KATNAL2: variants seen among roughly 807,000 people sequenced by gnomAD.
KATNAL2 encodes katanin catalytic subunit A1 like 2.
In KATNAL2, 52 loss-of-function variants were observed where a neutral mutation model predicts 76.3. The observed-to-expected ratio is 0.68, with a 90% CI of 0.55 to 0.86. The LOEUF (loss-of-function observed/expected upper bound fraction) is 0.86. KATNAL2 is among the 40% of genes least tolerant of loss of function. KATNAL2 has a pLI of 0.00. For missense variants in KATNAL2, 660 were observed against 668.9 expected (o/e 0.99, Z 0.15); for synonymous variants, 243 against 244.2 (o/e 1.00, Z 0.05).
In KATNAL2 at chr18:46,922,799, AAAAT is replaced by A. The variant is rs201510611; in HGVS notation, c.-510+4884_-510+4887del. Among the ~76,000 whole-genome samples the A allele has an allele frequency of 1.0e-3, 158 of 151,718 alleles. No individual in the cohort carries two copies. In the East Asian group the frequency reaches 0.027, roughly 26 times the overall value. Reference sequence around the variant, plus strand: ...GCAACAAAAGTGAAACTCCATCTCAAAAATAAATAAATAATAAAAAGTTGAAACA... The same window carrying A: ...GCAACAAAAGTGAAACTCCATCTCAAAAATAAATAATAAAAAGTTGAAACA... On this transcript the variant is annotated intron_variant, in intron 1 of 17. Transcript: ENST00000683218.
At chr18:46,956,578 AT>A (rs1466255268) in intron 3 of KATNAL2, among the ~76,000 whole-genome samples, 4 of 152,228 alleles carry the variant, frequency 2.6e-5, no homozygotes, top group African/African-American at 9.6e-5. Context: ...ATCCCAGGAA[AT>A]TATATTTGAA....
At chr18:47,031,350 G>C (rs976120722) in intron 3 of KATNAL2, among the ~76,000 whole-genome samples, 1 of 151,908 alleles carries the variant, frequency 6.6e-6, no homozygotes, top group African/African-American at 2.4e-5. Flanking sequence ...TTCGGCTTTT[G>C]TTTCTGCTGT....
At chr18:46,944,542 C>T (rs1168985708) in intron 1 of KATNAL2, among the ~76,000 whole-genome samples, 1 of 152,064 alleles carries the variant, frequency 6.6e-6, no homozygotes, top group East Asian at 1.9e-4. Flanking sequence ...CGAGACCAGC[C>T]TGGCCAACAT....
intron 4 of KATNAL2, among the ~76,000 whole-genome samples, chr18:47,052,624 A>G (rs1258253760): frequency 6.6e-6 from 1 of 152,232 alleles, no homozygotes; most frequent in Non-Finnish European, 1.5e-5. Flanking sequence ...TTCCAAAAAC[A>G]TCCTTAACAA....
intron 3 of KATNAL2, among the ~76,000 whole-genome samples, chr18:47,041,658 A>T (rs1230077960): frequency 6.6e-6 from 1 of 152,226 alleles, no homozygotes; most frequent in African/African-American, 2.4e-5. Flanking sequence ...AAGCTGCTAT[A>T]AACATCCCTG....
At chr18:47,034,318 T>A (rs1490082768) in intron 3 of KATNAL2, 2 of 1,612,940 alleles carry the variant, frequency 1.2e-6, no homozygotes, top group East Asian at 2.2e-5. Context: ...ACTGGGCCTC[T>A]TCTTGTTCGA....
intron 1 of KATNAL2, among the ~76,000 whole-genome samples, chr18:46,942,090 C>G (rs1048622733): frequency 6.6e-6 from 1 of 151,878 alleles, no homozygotes; most frequent in Non-Finnish European, 1.5e-5. Context: ...AGTAGGTAAT[C>G]GAAAAAGGTT....
intron 3 of KATNAL2, chr18:47,033,354 T>C (rs1451528658): frequency 6.2e-7 from 1 of 1,614,140 alleles, no homozygotes; most frequent in Admixed American, 1.7e-5. Flanking sequence ...TCTTTGCCTC[T>C]CTGCCGTTGG....
rs576549203 is a variant in KATNAL2 at position 47,033,624 on chromosome 18, C to T, written c.52-12833C>T. The stretch of plus-strand genomic sequence containing the variant: ...CAAGAACCCAGTAGGGGACCTCTCC[C>T]ACGTCGCTGAGGGCGTCCGGATTGT... On this transcript the variant is annotated intron_variant, in intron 3 of 17. Transcript: ENST00000683218. The T allele has an allele frequency of 7.1e-5, 114 of 1,614,224 alleles. 1 individual carries two copies. In the South Asian group the frequency reaches 1.2e-3, roughly 17 times the overall value.
chr18:47,074,080 G>A (rs1224777148), intron 13 of KATNAL2, among the ~76,000 whole-genome samples: 1 of 152,198 alleles, frequency 6.6e-6, no homozygotes, highest in East Asian at 1.9e-4. Context: ...GCTTCTTTGT[G>A]TATGTGTGTG....
chr18:47,031,242 T>C (rs2437854), intron 3 of KATNAL2, among the ~76,000 whole-genome samples: 83,879 of 150,098 alleles, frequency 0.56, 23,589 homozygotes, highest in East Asian at 0.67. Flanking sequence ...CTTGCTCTGG[T>C]CTGCAGCTGA....
At chr18:46,919,969 C>T (rs2058441214) in intron 1 of KATNAL2, 1 of 822,618 alleles carries the variant, frequency 1.2e-6, no homozygotes, top group Non-Finnish European at 1.8e-6. Flanking sequence ...TACAATACAG[C>T]CCTGCCACAG....
chr18:47,031,411 C>G (rs1017880703), intron 3 of KATNAL2, among the ~76,000 whole-genome samples: 1 of 151,526 alleles, frequency 6.6e-6, no homozygotes, highest in Admixed American at 6.6e-5. Flanking sequence ...TTTTTTGTGT[C>G]TCTCTGTCTT....
rs1010158670 is a variant in KATNAL2 at position 46,955,740 on chromosome 18, T to TG, written c.51+8822dup. Among the ~76,000 whole-genome samples the TG allele has an allele frequency of 5.8e-4, 89 of 152,154 alleles. 1 individual carries two copies. In the East Asian group the frequency reaches 0.015, roughly 25 times the overall value. The stretch of plus-strand genomic sequence containing the variant: ...CTAATTTTTAAATTTTTTGTAGAGA[T>TG]GGGGGTCTCCTTATGTTGCTCAGGC... On this transcript the variant is annotated intron_variant, in intron 3 of 17. Coordinates refer to ENST00000683218, the MANE Select transcript of KATNAL2 (RefSeq NM_001387690.1).
chr18:47,043,405 C>A (rs2061041295), intron 3 of KATNAL2, among the ~76,000 whole-genome samples: 2 of 152,134 alleles, frequency 1.3e-5, no homozygotes, highest in South Asian at 2.1e-4. Context: ...TACACCTTTA[C>A]TCAAGAGAAT....
At chr18:47,031,941 G>GT (rs1173958237) in intron 3 of KATNAL2, among the ~76,000 whole-genome samples, 1 of 152,152 alleles carries the variant, frequency 6.6e-6, no homozygotes, top group Non-Finnish European at 1.5e-5. Flanking sequence ...ACCAGCCCGT[G>GT]TGAGGCCAAC....
At position 47,035,507 on chromosome 18, in the gene KATNAL2, C is replaced by T. The variant is rs985162763; in HGVS notation, c.52-10950C>T. ...TGTTCCTCGGGATGTGGAGCCACAGCCTGGAGTGACCTCTGCAGTTTGCTG... is the reference window on the plus strand; with the variant it reads ...TGTTCCTCGGGATGTGGAGCCACAGTCTGGAGTGACCTCTGCAGTTTGCTG... On this transcript the variant is annotated intron_variant, in intron 3 of 17. Coordinates refer to ENST00000683218, the MANE Select transcript of KATNAL2 (RefSeq NM_001387690.1). 17 of 768,730 alleles carry T rather than the reference C, an allele frequency of 2.2e-5. No individual in the cohort carries two copies. In the Admixed American group the frequency reaches 5.0e-4, roughly 23 times the overall value. 47.6% of individuals were successfully genotyped at this position (768,730 alleles called of 1,614,324 possible).
Position 47,054,393 on chromosome 18 carries a change from C to T in KATNAL2, c.290-3C>T, listed in dbSNP as rs1569086594. 6.2e-7 allele frequency: 1 copy of T among 1,611,856 alleles called. No individual in the cohort carries two copies. Among genetic ancestry groups the T allele is most frequent in the Non-Finnish European group, 8.5e-7 (1 of 1,178,020 alleles). On this transcript the variant is annotated splice_region_variant and splice_polypyrimidine_tract_variant and intron_variant, in intron 5 of 17. Transcript: ENST00000683218. The stretch of plus-strand genomic sequence containing the variant: ...TTCCCTCCCAATGTCTGTTTTGTCA[C>T]AGCAGAAAATAATTTACCGCAAAGA...
chr18:47,075,390 T>TTTG, intron 14 of KATNAL2, 22 bp downstream of exon 14: 1 of 1,450,162 alleles, frequency 6.9e-7, no homozygotes, highest in East Asian at 2.7e-5. Flanking sequence ...GGTTGGGGTT[T>TTTG]TTGTTGTTGT....
Sources: allele counts gnomAD v4.1 joint callset (sites outside exome capture counted in the v4.1 genomes callset), GRCh38; gene constraint gnomAD v4.1.1; transcripts MANE v1.5; gene names NCBI Gene and HGNC (gene_info 2026-07-23, HGNC 2026-07-21).